Variants in HEXB observed in about 807,000 individuals in gnomAD.
The protein encoded by HEXB is hexosaminidase subunit beta, also known as beta-hexosaminidase subunit beta.
Under a neutral mutation model 71.2 loss-of-function variants are expected in HEXB, and 51 were observed. That is an observed-to-expected ratio of 0.72 (90% CI 0.57 to 0.90). The LOEUF is 0.90. Among genes scored for constraint, HEXB ranks in the 40% least tolerant of loss-of-function variants. HEXB has a pLI of 0.00. For synonymous variants in HEXB, 266 were observed against 249.3 expected, an observed-to-expected ratio of 1.07 and a Z score of -0.63; for missense variants, 617 against 677.0, an observed-to-expected ratio of 0.91 and a Z score of 0.98.
Position 74,654,814 on chromosome 5 carries a change from G to A in HEXB, c.-377+14256G>A, listed in dbSNP as rs1211860892. ...TAGAGGGGAGCTAGGCCAGGCCAGG[G>A]GCAGCTGTGAATTGAATGTGGGCAA... On this transcript the variant is annotated intron_variant, in intron 1 of 13. Coordinates refer to the HEXB transcript ENST00000511181. Among the ~76,000 whole-genome samples the A allele has an allele frequency of 2.6e-5, 4 of 152,150 alleles. No homozygotes were observed. In the East Asian group the frequency reaches 7.7e-4, roughly 29 times the overall value.
At chr5:74,705,386 C>T (rs1561222154) in intron 6 of HEXB, 66 bp downstream of exon 6, 14 of 909,508 alleles carry the variant, frequency 1.5e-5, no homozygotes, top group Non-Finnish European at 2.6e-5. Context: ...AAGTTTGTAG[C>T]TTAAATGTTT....
intron 6 of HEXB, among the ~76,000 whole-genome samples, chr5:74,707,929 A>G (rs1749443471): frequency 1.3e-5 from 2 of 152,216 alleles, no homozygotes; most frequent in Admixed American, 1.3e-4. Flanking sequence ...AGATGCAGGA[A>G]ATACAGAGAA....
At chr5:74,700,937 A>C (rs189254452) in intron 5 of HEXB, among the ~76,000 whole-genome samples, 2 of 152,100 alleles carry the variant, frequency 1.3e-5, no homozygotes, top group Non-Finnish European at 2.9e-5. Context: ...TGAACTCCTG[A>C]CCTCAGGTGA....
Position 74,641,764 on chromosome 5 carries a change from C to G in HEXB, c.-377+1206C>G, listed in dbSNP as rs926794333. On this transcript the variant is annotated intron_variant, in intron 1 of 13. Coordinates refer to the HEXB transcript ENST00000511181. This position sits in a 1 kb window ranked among gnomAD's most constrained non-coding sequence, Gnocchi z 4.1. ...CTTTGCAACTAGAGGCTTGTCTTTC[C>G]ACTGGGAGTTAAAATATCTGTCTTT... Among the ~76,000 whole-genome samples the G allele has an allele frequency of 1.3e-5, 2 of 152,190 alleles. No individual in the cohort carries two copies. Among genetic ancestry groups the G allele is most frequent in the Non-Finnish European group, 2.9e-5 (2 of 68,042 alleles).
At chr5:74,651,930 G>A (rs148754781) in intron 1 of HEXB, among the ~76,000 whole-genome samples, 49 of 152,264 alleles carry the variant, frequency 3.2e-4, no homozygotes, top group African/African-American at 1.1e-3. Flanking sequence ...TTATTAATTC[G>A]AACATGCCAG....
chr5:74,657,255 G>A (rs1358983670), intron 1 of HEXB, among the ~76,000 whole-genome samples: 1 of 152,080 alleles, frequency 6.6e-6, no homozygotes, highest in Admixed American at 6.5e-5. Flanking sequence ...TCTCATCTCT[G>A]TTCCAGCCAC....
chr5:74,717,159 C>T (rs1749691035), intron 9 of HEXB, among the ~76,000 whole-genome samples: 1 of 152,080 alleles, frequency 6.6e-6, no homozygotes, highest in African/African-American at 2.4e-5. Flanking sequence ...CCAGCCTGGG[C>T]AACAGAGTGA....
chr5:74,672,651 G>T (rs1748560881), intron 1 of HEXB, among the ~76,000 whole-genome samples: 1 of 152,216 alleles, frequency 6.6e-6, no homozygotes, highest in African/African-American at 2.4e-5. Context: ...TGACAGCAAT[G>T]CCCTCTTAGC....
chr5:74,644,575 C>T (rs1225642874), intron 1 of HEXB, among the ~76,000 whole-genome samples: 5 of 151,972 alleles, frequency 3.3e-5, no homozygotes, highest in South Asian at 2.1e-4. Flanking sequence ...CACAGGTAAT[C>T]GATACAAGAA....
At chr5:74,669,010 G>T (rs1345297774) in intron 1 of HEXB, among the ~76,000 whole-genome samples, 1 of 152,046 alleles carries the variant, frequency 6.6e-6, no homozygotes, top group Non-Finnish European at 1.5e-5. Context: ...TGCCCAGGCT[G>T]GAGTTCAACA....
At chr5:74,712,206 T>G (rs1219126106) in intron 6 of HEXB, among the ~76,000 whole-genome samples, 2 of 148,390 alleles carry the variant, frequency 1.3e-5, no homozygotes, top group Non-Finnish European at 3.0e-5. Flanking sequence ...CCGCATATTC[T>G]CACTCATAGG....
intron 1 of HEXB, among the ~76,000 whole-genome samples, chr5:74,656,177 C>T (rs2314754): frequency 0.27 from 40,459 of 151,922 alleles, 5,817 homozygotes; most frequent in Admixed American, 0.37. Context: ...CCTTGGAGGC[C>T]GGGCACAGTG....
intron 1 of HEXB, among the ~76,000 whole-genome samples, chr5:74,667,580 G>A (rs1748456081): frequency 6.6e-6 from 1 of 152,226 alleles, no homozygotes; most frequent in South Asian, 2.1e-4. Context: ...TCAGGAGACA[G>A]AGTCCACAGG....
chr5:74,709,365 A>G (rs1245210368), intron 6 of HEXB, among the ~76,000 whole-genome samples: 1 of 152,060 alleles, frequency 6.6e-6, no homozygotes, highest in Non-Finnish European at 1.5e-5. Flanking sequence ...TGACACCCTA[A>G]CATCACAATT....
chr5:74,713,391 A>G, intron 6 of HEXB, 115 bp from the exon 7 acceptor site: 1 of 952,266 alleles, frequency 1.1e-6, no homozygotes, highest in South Asian at 1.3e-5. Context: ...AAACTAATAC[A>G]TTGTCATAGT....
At chr5:74,716,178 T>C (rs555876267) in intron 8 of HEXB, among the ~76,000 whole-genome samples, 6 of 152,128 alleles carry the variant, frequency 3.9e-5, no homozygotes, top group Admixed American at 1.3e-4. Flanking sequence ...GTGGAGAATG[T>C]ACATTTTGGT....
intron 1 of HEXB, among the ~76,000 whole-genome samples, chr5:74,656,567 C>T (rs1052877105): frequency 6.6e-6 from 1 of 151,570 alleles, no homozygotes; most frequent in African/African-American, 2.4e-5. Flanking sequence ...AGATGAGGAA[C>T]CACATTGCAC....
At chr5:74,650,951 A>G (rs985115582) in intron 1 of HEXB, among the ~76,000 whole-genome samples, 2 of 150,190 alleles carry the variant, frequency 1.3e-5, no homozygotes, top group South Asian at 4.2e-4. Context: ...AAAAAAGGCA[A>G]CTGCAAAAAT....
At chr5:74,696,184 A>G (rs1445109526) in intron 3 of HEXB, among the ~76,000 whole-genome samples, 1 of 152,232 alleles carries the variant, frequency 6.6e-6, no homozygotes, top group Non-Finnish European at 1.5e-5. Context: ...TATTAAGGGA[A>G]TAATCCACTT....
Sources: allele counts gnomAD v4.1 joint callset (sites outside exome capture counted in the v4.1 genomes callset), GRCh38; gene constraint gnomAD v4.1.1; non-coding constraint Gnocchi (gnomAD v3.1); transcripts MANE v1.5; gene names NCBI Gene and HGNC (gene_info 2026-07-23, HGNC 2026-07-21).